The following NKAIN2 variants were observed in gnomAD, a reference collection of about 807,000 sequenced individuals.
NKAIN2 encodes sodium/potassium-transporting ATPase subunit beta-1-interacting protein 2.
A neutral mutation model predicts 32.6 loss-of-function variants in NKAIN2; 14 were observed. The observed-to-expected ratio is 0.43, with a 90% CI of 0.28 to 0.67. NKAIN2 has a LOEUF of 0.67. Ranked by LOEUF, NKAIN2 falls within the 30% of genes least tolerant of loss-of-function variation. The pLI is 0.17. For missense variants in NKAIN2, 198 were observed against 258.3 expected (o/e 0.77, Z 1.60); for synonymous variants, 80 against 87.2 (o/e 0.92, Z 0.46).
intron 1 of NKAIN2, among the ~76,000 whole-genome samples, chr6:123,873,003 A>AT (rs1187270440): frequency 6.6e-6 from 1 of 152,180 alleles, no homozygotes; most frequent in Non-Finnish European, 1.5e-5. Context: ...GCTAGGCACT[A>AT]TTTTTGTTGT....
chr6:124,798,177 C>G (rs1332350294), intron 5 of NKAIN2, among the ~76,000 whole-genome samples: 1 of 152,018 alleles, frequency 6.6e-6, no homozygotes, highest in Non-Finnish European at 1.5e-5. Flanking sequence ...TCTGAGCTTT[C>G]TTTCACGTTT....
intron 4 of NKAIN2, among the ~76,000 whole-genome samples, chr6:124,713,692 A>G (rs919358453): frequency 6.6e-6 from 1 of 152,202 alleles, no homozygotes; most frequent in Non-Finnish European, 1.5e-5. Flanking sequence ...CTGTCTTCAC[A>G]TGTTAGAAAA....
intron 1 of NKAIN2, among the ~76,000 whole-genome samples, chr6:124,093,980 C>A (rs1159698864): frequency 6.6e-6 from 1 of 152,126 alleles, no homozygotes; most frequent in Non-Finnish European, 1.5e-5. Context: ...TTTTAACTGG[C>A]AGGCAAGGCA....
intron 1 of NKAIN2, among the ~76,000 whole-genome samples, chr6:124,257,875 T>A (rs1485294060): frequency 6.7e-6 from 1 of 148,526 alleles, no homozygotes; most frequent in African/African-American, 2.5e-5. Flanking sequence ...GCCTCCAGGG[T>A]TCAAGTGATT....
chr6:123,985,363 A>T (rs1810128), intron 1 of NKAIN2, among the ~76,000 whole-genome samples: 11 of 151,838 alleles, frequency 7.2e-5, no homozygotes, highest in Admixed American at 5.2e-4. Context: ...TCACACCATT[A>T]CACTCCAGCC....
In NKAIN2 at chr6:123,938,495, AT is replaced by A. The variant is rs904029173; in HGVS notation, c.54+134244del. Among the ~76,000 whole-genome samples, 12 of 135,630 alleles carry A rather than the reference AT, an allele frequency of 8.8e-5. No individual in the cohort carries two copies. The South Asian group carries it at 1.1e-3, about 13-fold the overall frequency. 89.0% of individuals were successfully genotyped at this position (135,630 alleles called of 152,430 possible). On this transcript the variant is annotated intron_variant, in intron 1 of 6. Coordinates refer to ENST00000368417, the MANE Select transcript of NKAIN2 (RefSeq NM_001040214.3). ...ATATTATACATAATATATAATATAT[AT>A]TTATATATAATATATTATATATATT...
intron 4 of NKAIN2, among the ~76,000 whole-genome samples, chr6:124,767,647 C>T (rs1231512193): frequency 6.6e-6 from 1 of 152,138 alleles, no homozygotes. Context: ...AGGAGTCACA[C>T]AAGGATTTGA....
intron 1 of NKAIN2, among the ~76,000 whole-genome samples, chr6:123,982,786 C>T (rs1238871870): frequency 6.6e-6 from 1 of 151,978 alleles, no homozygotes; most frequent in African/African-American, 2.4e-5. Context: ...TGGCAAAAGA[C>T]AAGTTAAAAG....
intron 1 of NKAIN2, among the ~76,000 whole-genome samples, chr6:123,917,705 A>G (rs113321016): frequency 2.0e-5 from 3 of 152,100 alleles, no homozygotes; most frequent in African/African-American, 7.2e-5. Context: ...TGCCTTCAGG[A>G]GAGGAGCTCA....
rs141341677 is a variant in NKAIN2, at chr6:124,273,455, G to C, written c.55-9550G>C. On this transcript the variant is annotated intron_variant, in intron 1 of 6. Transcript: ENST00000368417. ...GCCTCCCAGACATGCAGAATTGTGA[G>C]TTAATTAAACCTCCATTCTCTATAA... 6.2e-3 allele frequency among the ~76,000 whole-genome samples: 946 copies of C among 152,270 alleles called. 8 individuals carry two copies. Among genetic ancestry groups the C allele is most frequent in the Non-Finnish European group, 0.01 (703 of 68,028 alleles).
intron 1 of NKAIN2, among the ~76,000 whole-genome samples, chr6:123,963,434 A>G (rs76852386): frequency 7.0e-4 from 106 of 152,292 alleles, no homozygotes; most frequent in African/African-American, 2.5e-3. Flanking sequence ...AGAAAAAGCA[A>G]TTGTCCAGAG....
intron 3 of NKAIN2, among the ~76,000 whole-genome samples, chr6:124,409,206 C>T (rs1413353381): frequency 2.6e-5 from 4 of 152,210 alleles, no homozygotes; most frequent in African/African-American, 4.8e-5. Context: ...GCCTGATTGC[C>T]CTGGCCAGAA....
Position 124,815,225 on chromosome 6 carries a change from C to CATAT in NKAIN2, c.536-3149_536-3146dup, listed in dbSNP as rs56841213. The stretch of plus-strand genomic sequence containing the variant: ...TCCCCAGTCTTAAACTATATATATA[C>CATAT]ATATATATATATATATGTATATATG... On this transcript the variant is annotated intron_variant, in intron 5 of 6. Coordinates refer to ENST00000368417, the MANE Select transcript of NKAIN2 (RefSeq NM_001040214.3). 7.8e-3 allele frequency among the ~76,000 whole-genome samples: 1,069 copies of CATAT among 136,972 alleles called. 17 individuals carry two copies. The highest frequency in any genetic ancestry group is 0.023 in the African/African-American group (875 of 37,878). The allele number at this position is 136,972 out of a possible 152,430, so 89.9% of individuals were successfully genotyped here.
intron 2 of NKAIN2, among the ~76,000 whole-genome samples, chr6:124,337,216 G>A (rs184582998): frequency 5.6e-4 from 85 of 152,172 alleles, no homozygotes; most frequent in African/African-American, 1.9e-3. Flanking sequence ...AAAAATACTC[G>A]CTGGGTGTGG....
intron 1 of NKAIN2, among the ~76,000 whole-genome samples, chr6:123,971,187 C>T (rs541073830): frequency 6.6e-6 from 1 of 152,030 alleles, no homozygotes; most frequent in Non-Finnish European, 1.5e-5. Flanking sequence ...GTAGCAGGAT[C>T]AGAGAGTACT....
intron 1 of NKAIN2, among the ~76,000 whole-genome samples, chr6:123,863,700 A>C (rs73770293): frequency 0.061 from 9,219 of 152,226 alleles, 849 homozygotes; most frequent in African/African-American, 0.2. Flanking sequence ...CTGGACTTAC[A>C]ACACCAGCAC....
At chr6:124,475,530 T>C (rs994244026) in intron 3 of NKAIN2, among the ~76,000 whole-genome samples, 2 of 152,200 alleles carry the variant, frequency 1.3e-5, no homozygotes, top group Non-Finnish European at 2.9e-5. Context: ...AATTAAACCA[T>C]GAGCTACCTT....
In NKAIN2 at chr6:124,269,433, T is replaced by TTTTC. The variant is rs149121065; in HGVS notation, c.55-13552_55-13549dup. Among the ~76,000 whole-genome samples, 27 of 145,546 alleles carry TTTTC rather than the reference T, an allele frequency of 1.9e-4. No homozygotes were observed. The East Asian group carries it at 3.2e-3, about 17-fold the overall frequency. On this transcript the variant is annotated intron_variant, in intron 1 of 6. Transcript: ENST00000368417. ...TAGTTCTGGTGGCAATTTCTTTTTC[T>TTTTC]TTTCTTTCTTTCTTTCTTTCTTTTT...
intron 1 of NKAIN2, among the ~76,000 whole-genome samples, chr6:124,172,558 C>A (rs1788948780): frequency 6.6e-6 from 1 of 151,932 alleles, no homozygotes. Flanking sequence ...TTTTAAAAAT[C>A]TGTATATCAT....
Sources: allele counts gnomAD v4.1 joint callset (sites outside exome capture counted in the v4.1 genomes callset), GRCh38; gene constraint gnomAD v4.1.1; transcripts MANE v1.5; gene names NCBI Gene and HGNC (gene_info 2026-07-23, HGNC 2026-07-21).